The following BMPR2 variants were observed in gnomAD, a reference collection of about 807,000 sequenced individuals.
BMPR2 encodes bone morphogenetic protein receptor type-2.
A neutral mutation model predicts 100.8 loss-of-function variants in BMPR2; 29 were observed. That is an observed-to-expected ratio of 0.29 (90% CI 0.21 to 0.39). The LOEUF is 0.39. Among genes scored for constraint, BMPR2 ranks in the 10% least tolerant of loss-of-function variants. The pLI is 1.00. For missense variants in BMPR2, 1,011 were observed against 1,274.5 expected, an observed-to-expected ratio of 0.79 and a Z score of 3.15; for synonymous variants, 382 against 442.3, an observed-to-expected ratio of 0.86 and a Z score of 1.71.
At chr2:202,415,895 G>T (rs562275237) in intron 1 of BMPR2, among the ~76,000 whole-genome samples, 2 of 152,220 alleles carry the variant, frequency 1.3e-5, no homozygotes, top group African/African-American at 4.8e-5. Flanking sequence ...GCAGCCTATG[G>T]ATCCAGGAGT....
intron 1 of BMPR2, among the ~76,000 whole-genome samples, chr2:202,381,545 G>T (rs1690293155): frequency 6.6e-6 from 1 of 152,148 alleles, no homozygotes; most frequent in Admixed American, 6.6e-5. Context: ...GCTAGGCTAA[G>T]CTCAGAAACA....
At chr2:202,395,926 A>C (rs1451039389) in intron 1 of BMPR2, among the ~76,000 whole-genome samples, 2 of 152,184 alleles carry the variant, frequency 1.3e-5, no homozygotes, top group Admixed American at 1.3e-4. Flanking sequence ...AACAAGAGTG[A>C]AACTCCATCT....
intron 8 of BMPR2, among the ~76,000 whole-genome samples, chr2:202,531,348 C>A (rs1044497773): frequency 6.6e-6 from 1 of 152,028 alleles, no homozygotes; most frequent in African/African-American, 2.4e-5. Flanking sequence ...CTAGGAATTA[C>A]AAAATTAGGA....
At chr2:202,447,605 A>G (rs1691878818) in intron 1 of BMPR2, among the ~76,000 whole-genome samples, 1 of 150,602 alleles carries the variant, frequency 6.6e-6, no homozygotes, top group Non-Finnish European at 1.5e-5. Flanking sequence ...CCTTGAGCCC[A>G]TGAGTTTGAA....
chr2:202,467,777 A>T, intron 3 of BMPR2, 88 bp downstream of exon 3: 1 of 1,407,082 alleles, frequency 7.1e-7, no homozygotes, highest in Non-Finnish European at 1.0e-6. Flanking sequence ...TCAAGGTTGA[A>T]GCCAGGCGTG....
chr2:202,425,027 C>T (rs915062996), intron 1 of BMPR2, among the ~76,000 whole-genome samples: 2 of 151,760 alleles, frequency 1.3e-5, no homozygotes, highest in Admixed American at 1.3e-4. Context: ...GGTGCAATCT[C>T]GGCTCACTGC....
chr2:202,447,655 G>T (rs1328729360), intron 1 of BMPR2, among the ~76,000 whole-genome samples: 1 of 150,752 alleles, frequency 6.6e-6, no homozygotes, highest in African/African-American at 2.5e-5. Context: ...ACTCCAGCTT[G>T]GGTGACAGAG....
chr2:202,461,931 T>TATA (rs1236495473), intron 1 of BMPR2, among the ~76,000 whole-genome samples: 2 of 152,162 alleles, frequency 1.3e-5, no homozygotes, highest in Admixed American at 6.5e-5. Flanking sequence ...TTATTATTAT[T>TATA]ATACCTTAAG....
intron 1 of BMPR2, among the ~76,000 whole-genome samples, chr2:202,398,049 C>T (rs75228962): frequency 0.042 from 6,297 of 149,878 alleles, 458 homozygotes; most frequent in African/African-American, 0.15. Flanking sequence ...TTGGAGATTG[C>T]GGTGAGCCAA....
intron 3 of BMPR2, among the ~76,000 whole-genome samples, chr2:202,490,328 A>G (rs1157067117): frequency 6.6e-6 from 1 of 152,188 alleles, no homozygotes; most frequent in Non-Finnish European, 1.5e-5. Flanking sequence ...GTACACACAC[A>G]CACACACACG....
intron 3 of BMPR2, among the ~76,000 whole-genome samples, chr2:202,494,745 CA>C (rs1333024381): frequency 2.6e-5 from 4 of 152,046 alleles, no homozygotes; most frequent in African/African-American, 9.7e-5. Context: ...AAATAGACAA[CA>C]AAAAATAGGA....
intron 3 of BMPR2, among the ~76,000 whole-genome samples, chr2:202,511,869 A>G (rs1227781437): frequency 1.3e-5 from 2 of 152,046 alleles, no homozygotes; most frequent in Non-Finnish European, 2.9e-5. Flanking sequence ...AAAATACAAA[A>G]AATTATCCAG....
chr2:202,536,888 AAAG>A (rs1688171496), intron 9 of BMPR2, among the ~76,000 whole-genome samples: 3 of 151,614 alleles, frequency 2.0e-5, no homozygotes, highest in Non-Finnish European at 4.4e-5. Flanking sequence ...AAAAAAAAAA[AAAG>A]AAGTACTTTT....
At chr2:202,445,880 T>A (rs1407353301) in intron 1 of BMPR2, among the ~76,000 whole-genome samples, 1 of 147,668 alleles carries the variant, frequency 6.8e-6, no homozygotes, top group Non-Finnish European at 1.5e-5. Flanking sequence ...GTTCATGCCA[T>A]TCTCCTGCCT....
At chr2:202,537,038 A>T (rs1688174860) in intron 9 of BMPR2, among the ~76,000 whole-genome samples, 1 of 152,070 alleles carries the variant, frequency 6.6e-6, no homozygotes, top group Admixed American at 6.5e-5. Context: ...CTAGGACTAC[A>T]GGTGCATGCC....
At chr2:202,386,529 T>G (rs1308989017) in intron 1 of BMPR2, among the ~76,000 whole-genome samples, 1 of 152,092 alleles carries the variant, frequency 6.6e-6, no homozygotes, top group Non-Finnish European at 1.5e-5. Flanking sequence ...AGAATCTTAT[T>G]GCTTCTTACC....
chr2:202,377,645 A>C (rs1690179996), intron 1 of BMPR2, 95 bp downstream of exon 1: 1 of 1,423,912 alleles, frequency 7.0e-7, no homozygotes, highest in Non-Finnish European at 9.8e-7. Flanking sequence ...GCCCTTCGCC[A>C]TGCGTCCCCC....
intron 2 of BMPR2, 48 bp from the exon 3 acceptor site, chr2:202,467,471 T>A (rs1327246430): frequency 6.7e-7 from 1 of 1,489,416 alleles, no homozygotes; most frequent in Non-Finnish European, 9.4e-7. Flanking sequence ...TTTCTCTTAG[T>A]TTTCTTTATC....
intron 10 of BMPR2, among the ~76,000 whole-genome samples, chr2:202,544,752 T>C (rs1186126134): frequency 7.5e-6 from 1 of 134,048 alleles, no homozygotes; most frequent in Non-Finnish European, 1.5e-5. Context: ...TTCTTTTTTC[T>C]TTTTCTTTCT....
Sources: allele counts gnomAD v4.1 joint callset (sites outside exome capture counted in the v4.1 genomes callset), GRCh38; gene constraint gnomAD v4.1.1; transcripts MANE v1.5; gene names NCBI Gene and HGNC (gene_info 2026-07-23, HGNC 2026-07-21).